Variants in LGSN observed in about 807,000 individuals in gnomAD.
LGSN encodes lengsin, lens protein with glutamine synthetase domain.
LGSN carries 21 observed loss-of-function variants against 19.5 expected under a neutral mutation model. The ratio of observed to expected loss-of-function variants is 1.07; its 90% CI spans 0.76 to 1.55. LGSN has a LOEUF of 1.55. Among genes scored for constraint, LGSN ranks in the 40% most tolerant of loss-of-function variants. The pLI is 0.00. For synonymous variants in LGSN, 257 were observed against 215.6 expected, an observed-to-expected ratio of 1.19 and a Z score of -1.68; for missense variants, 673 against 608.5, an observed-to-expected ratio of 1.11 and a Z score of -1.12.
At chr6:63,409,743 G>C in the LGSN span, among the ~76,000 whole-genome samples, 1 of 152,116 alleles carries the variant, frequency 6.6e-6, no homozygotes, top group East Asian at 1.9e-4. Flanking sequence ...CTAGTCTTTA[G>C]TTATTACCTC....
rs1456124039 is a variant in LGSN, at chr6:63,280,584, T to C, written c.967A>G (p.Arg323Gly). 1 of 1,614,128 alleles carries C rather than the reference T, an allele frequency of 6.2e-7. No homozygotes were observed. Among genetic ancestry groups the C allele is most frequent in the Non-Finnish European group, 8.5e-7 (1 of 1,180,036 alleles). ...ILSHSLWDVD[R>G]KKNMFCSTSG... ...GTGCTGCAGAACATGTTTTTCTTCC[T>C]ATCGACATCCCAGAGACTATGAGAC... Residue 323 changes from arginine (R) to glycine (G), a missense_variant, in exon 4 of 4, where the codon AGG becomes GGG. By Grantham distance (125) the Arg-to-Gly change is moderately radical (BLOSUM62 -2). Transcript: ENST00000370657.
chr6:63,366,749 C>T, the LGSN span, among the ~76,000 whole-genome samples: 5 of 152,204 alleles, frequency 3.3e-5, no homozygotes, highest in African/African-American at 1.2e-4. Flanking sequence ...TAGATATAGA[C>T]CAATGGAACA....
chr6:63,470,446 C>T, the LGSN span, among the ~76,000 whole-genome samples: 1 of 150,328 alleles, frequency 6.7e-6, no homozygotes, highest in Non-Finnish European at 1.5e-5. Flanking sequence ...TGCACTCCAG[C>T]CTGGTTGACA....
the LGSN span, among the ~76,000 whole-genome samples, chr6:63,497,476 CCG>C: frequency 1.3e-5 from 2 of 152,064 alleles, no homozygotes; most frequent in Non-Finnish European, 2.9e-5. Context: ...TCACTTGAAC[CCG>C]CGAGGTGGAG....
the LGSN span, among the ~76,000 whole-genome samples, chr6:63,402,921 A>G: frequency 9.2e-5 from 14 of 152,162 alleles, no homozygotes; most frequent in African/African-American, 3.4e-4. Context: ...CCTCAAAAAT[A>G]AGAAATTTTA....
the LGSN span, among the ~76,000 whole-genome samples, chr6:63,491,188 T>A: frequency 3.3e-5 from 5 of 152,146 alleles, no homozygotes; most frequent in Non-Finnish European, 7.4e-5. Flanking sequence ...GCTGATGAGG[T>A]GCCCCTGACT....
At chr6:63,438,606 G>A in the LGSN span, among the ~76,000 whole-genome samples, 1 of 151,868 alleles carries the variant, frequency 6.6e-6, no homozygotes. Context: ...ATGAAAAAAT[G>A]CTCATCATCA....
chr6:63,477,869 G>A, the LGSN span, among the ~76,000 whole-genome samples: 1 of 150,764 alleles, frequency 6.6e-6, no homozygotes, highest in Non-Finnish European at 1.5e-5. Context: ...CAGAGGAGGA[G>A]GGTAATGTTT....
At chr6:63,445,415 C>G in the LGSN span, among the ~76,000 whole-genome samples, 16,620 of 152,052 alleles carry the variant, frequency 0.11, 1,867 homozygotes, top group African/African-American at 0.29. Context: ...GTCAGGAGCT[C>G]GCGACCAGCC....
chr6:63,293,854 T>G, intron 2 of LGSN: 1 of 443,494 alleles, frequency 2.3e-6, no homozygotes, highest in Non-Finnish European at 4.5e-6. Context: ...TTTCTGATCC[T>G]CTCTGTAGTA....
chr6:63,375,680 G>A, the LGSN span, among the ~76,000 whole-genome samples: 1 of 152,010 alleles, frequency 6.6e-6, no homozygotes, highest in Non-Finnish European at 1.5e-5. Flanking sequence ...TTAATAATAG[G>A]TTTTATTATT....
the LGSN span, among the ~76,000 whole-genome samples, chr6:63,412,533 A>AGAAAGAAAGAAG: frequency 1.3e-3 from 108 of 85,166 alleles, no homozygotes; most frequent in Middle Eastern, 6.0e-3. Context: ...AAAGAAGGAA[A>AGAAAGAAAGAAG]GAAAGAAAGA....
At chr6:63,432,781 A>C in the LGSN span, among the ~76,000 whole-genome samples, 1 of 152,114 alleles carries the variant, frequency 6.6e-6, no homozygotes, top group African/African-American at 2.4e-5. Context: ...ACAGCCTTAA[A>C]CCCAAAAGAT....
the LGSN span, among the ~76,000 whole-genome samples, chr6:63,400,511 T>G: frequency 6.6e-6 from 1 of 152,210 alleles, no homozygotes; most frequent in African/African-American, 2.4e-5. Context: ...AGTCAAGGGC[T>G]CCGCACGAAC....
At chr6:63,510,938 G>A in the LGSN span, among the ~76,000 whole-genome samples, 5 of 152,218 alleles carry the variant, frequency 3.3e-5, no homozygotes, top group East Asian at 3.9e-4. Context: ...GCCTCTCAAA[G>A]TGCTGGAATT....
chr6:63,457,521 A>T, the LGSN span, among the ~76,000 whole-genome samples: 1 of 151,304 alleles, frequency 6.6e-6, no homozygotes, highest in Admixed American at 6.6e-5. Flanking sequence ...TAATAAATTA[A>T]ATTAAAATAT....
At chr6:63,460,100 CTTTTTTTTTTTTTTTTTTTTT>C in the LGSN span, among the ~76,000 whole-genome samples, 14 of 56,130 alleles carry the variant, frequency 2.5e-4, no homozygotes, top group African/African-American at 9.6e-4. Flanking sequence ...ATTTCATTCC[CTTTTTTTTTTTTTTTTTTTTT>C]TTTTTTTTTT....
chr6:63,497,669 C>G, the LGSN span, among the ~76,000 whole-genome samples: 4 of 152,034 alleles, frequency 2.6e-5, no homozygotes, highest in Admixed American at 1.3e-4. Flanking sequence ...TTTCCACATT[C>G]AGCTTGAGTG....
At chr6:63,520,892 A>G in the LGSN span, among the ~76,000 whole-genome samples, 1 of 152,184 alleles carries the variant, frequency 6.6e-6, no homozygotes, top group South Asian at 2.1e-4. Context: ...ACCATGGAAT[A>G]CTATGCAGCC....
Sources: gnomAD v4.1 joint callset for allele counts (sites outside exome capture counted in the v4.1 genomes callset) on GRCh38, gnomAD v4.1.1 for gene constraint, MANE v1.5 for transcripts, NCBI Gene and HGNC (gene_info 2026-07-23, HGNC 2026-07-21) for gene names.